KNL1: variants seen among roughly 807,000 people sequenced by gnomAD.
KNL1 encodes the protein outer kinetochore KNL1 complex subunit KNL1.
In KNL1, 66 loss-of-function variants were observed where a neutral mutation model predicts 201.3. The ratio of observed to expected loss-of-function variants is 0.33; its 90% CI spans 0.27 to 0.40. The LOEUF is 0.40. Among genes scored for constraint, KNL1 ranks in the 10% least tolerant of loss-of-function variants. KNL1 has a pLI of 1.00. For missense variants in KNL1, 2,815 were observed against 2,690.5 expected, an observed-to-expected ratio of 1.05 and a Z score of -1.02; for synonymous variants, 895 against 899.2, an observed-to-expected ratio of 1.00 and a Z score of 0.08.
intron 13 of KNL1, among the ~76,000 whole-genome samples, chr15:40,640,494 A>C (rs1893193826): frequency 6.6e-6 from 1 of 152,176 alleles, no homozygotes; most frequent in Non-Finnish European, 1.5e-5. Flanking sequence ...TTATTTTATA[A>C]TTGGAGGATG....
intron 21 of KNL1, among the ~76,000 whole-genome samples, chr15:40,652,772 A>T (rs1893609904): frequency 6.6e-6 from 1 of 151,794 alleles, no homozygotes; most frequent in Non-Finnish European, 1.5e-5. Context: ...AAAAAAAAAA[A>T]AAAAAAGAAT....
intron 3 of KNL1, among the ~76,000 whole-genome samples, chr15:40,605,537 C>T (rs953965014): frequency 5.9e-5 from 9 of 151,486 alleles, no homozygotes; most frequent in African/African-American, 1.9e-4. Context: ...CTGTAACCTC[C>T]GCCTCCTGGG....
At chr15:40,596,426 G>A (rs1352208671) in intron 1 of KNL1, among the ~76,000 whole-genome samples, 3 of 151,958 alleles carry the variant, frequency 2.0e-5, no homozygotes, top group Admixed American at 6.6e-5. Context: ...ATAGGCACCC[G>A]CCACCATGCG....
At chr15:40,602,279 C>G (rs188825905) in intron 1 of KNL1, among the ~76,000 whole-genome samples, 66 of 148,778 alleles carry the variant, frequency 4.4e-4, no homozygotes, top group African/African-American at 1.6e-3. Flanking sequence ...GTGATCTGCC[C>G]GCCTCGGCCT....
intron 2 of KNL1, among the ~76,000 whole-genome samples, chr15:40,604,218 G>C (rs1566999232): frequency 1.5e-5 from 1 of 66,112 alleles, no homozygotes; most frequent in Non-Finnish European, 4.4e-5. Flanking sequence ...TTAAGGATGA[G>C]AAAATTGAGA....
chr15:40,661,654 A>G (rs916380069), intron 25 of KNL1, among the ~76,000 whole-genome samples: 1 of 152,204 alleles, frequency 6.6e-6, no homozygotes, highest in African/African-American at 2.4e-5. Flanking sequence ...ATATCTGGTT[A>G]TTTCCAGAAA....
At chr15:40,626,327 C>CTTTTTTTTTTTT (rs540280443) in intron 10 of KNL1, among the ~76,000 whole-genome samples, 1 of 135,356 alleles carries the variant, frequency 7.4e-6, no homozygotes. Flanking sequence ...TAATTTCTTT[C>CTTTTTTTTTTTT]TTTTTTTTTT....
chr15:40,649,619 A>G (rs1459943307), intron 17 of KNL1, among the ~76,000 whole-genome samples: 8 of 149,492 alleles, frequency 5.4e-5, no homozygotes, highest in East Asian at 2.0e-4. Context: ...AAAAAAAAAA[A>G]AGAGAGGCAG....
At position 40,624,328 on chromosome 15, in the gene KNL1, G is replaced by A. The variant is rs769644280; in HGVS notation, c.4064G>A (p.Gly1355Glu). The change falls in exon 10 of 26, where the codon GGA becomes GAA. Residue 1355 changes from glycine to glutamate, a missense_variant. Physicochemically the swap from Gly to Glu is moderately conservative, Grantham distance 98. This residue lies in a region of KNL1 where 2,464 missense variants were observed against 2,291.7 expected (regional missense o/e 1.08). Coordinates refer to ENST00000399668, the MANE Select transcript of KNL1 (RefSeq NM_144508.5). ...FASEYYLESE[G>E]QPLSAPCPLL... ...AGTGAATATTACTTGGAATCTGAGG[G>A]ACAGCCTCTCTCTGCTCCTTGTCCT... The A allele has an allele frequency of 1.4e-5, 22 of 1,614,018 alleles. No homozygotes were observed. Among genetic ancestry groups the A allele is most frequent in the Non-Finnish European group, 1.4e-5 (16 of 1,179,932 alleles).
At chr15:40,611,547 A>G (rs986654866) in intron 7 of KNL1, 36 bp downstream of exon 7, 15 of 183,986 alleles carry the variant, frequency 8.2e-5, no homozygotes, top group Non-Finnish European at 1.7e-4. Context: ...AAAAGTTATA[A>G]ATTAATATTA....
Position 40,625,223 on chromosome 15 carries a change from T to A in KNL1, c.4959T>A (p.Phe1653Leu). Reference sequence around the variant, plus strand: ...TAAGGAGATGTTCTTTGGGAATCTTTTTGCCTAGATTGCCCAACAAGAGAA... The same window carrying A: ...TAAGGAGATGTTCTTTGGGAATCTTATTGCCTAGATTGCCCAACAAGAGAA... ...DKVRRCSLGI[F>L]LPRLPNKRNC... The change falls in exon 10 of 26, where the codon TTT (phenylalanine) becomes TTA (leucine). Residue 1653 changes from phenylalanine to leucine, a missense_variant. By Grantham distance (22) the Phe-to-Leu change is conservative. Transcript: ENST00000399668. 6.2e-7 allele frequency: 1 copy of A among 1,614,034 alleles called. No individual in the cohort carries two copies. Among genetic ancestry groups the A allele is most frequent in the Non-Finnish European group, 8.5e-7 (1 of 1,179,940 alleles).
intron 1 of KNL1, among the ~76,000 whole-genome samples, chr15:40,600,593 C>T (rs1446338413): frequency 6.6e-6 from 1 of 152,168 alleles, no homozygotes; most frequent in East Asian, 1.9e-4. Context: ...GATCGAAGCA[C>T]ATCAAATATC....
At chr15:40,654,841 C>T (rs1027325788) in intron 21 of KNL1, 68 bp from the exon 22 acceptor site, 2 of 1,203,816 alleles carry the variant, frequency 1.7e-6, no homozygotes, top group African/African-American at 3.0e-5. Context: ...TGCACTCCAG[C>T]CTGGGAGACA....
chr15:40,622,735 T>C lies in KNL1; in HGVS notation c.2471T>C (p.Ile824Thr). 6.2e-7 allele frequency: 1 copy of C among 1,601,248 alleles called. No individual in the cohort carries two copies. Among genetic ancestry groups the C allele is most frequent in the Non-Finnish European group, 8.5e-7 (1 of 1,175,464 alleles). ...EKSGVLKSNC[I>T]MDVLEDESVQ... ...AGTGGAGTGCTTAAATCTAACTGTA[T>C]TATGGATGTGTTAGAGGACGAAAGT... The change falls in exon 10 of 26, where the codon ATT becomes ACT. Residue 824 changes from isoleucine to threonine, a missense_variant. Ile to Thr is a moderately conservative substitution (Grantham distance 89). Around this residue, in one of 3 missense-constraint regions of KNL1, gnomAD observed 2,464 missense variants for 2,291.7 expected, o/e 1.08. Coordinates refer to ENST00000399668, the MANE Select transcript of KNL1 (RefSeq NM_144508.5).
Position 40,657,808 on chromosome 15 carries a change from A to T in KNL1, c.6713+335A>T, listed in dbSNP as rs907868217. Among the ~76,000 whole-genome samples the T allele has an allele frequency of 6.6e-5, 10 of 152,156 alleles. 1 individual carries two copies. The highest frequency in any genetic ancestry group is 2.4e-4 in the African/African-American group (10 of 41,430). On this transcript the variant is annotated intron_variant, in intron 24 of 25. Coordinates refer to ENST00000399668, the MANE Select transcript of KNL1 (RefSeq NM_144508.5). ...CTTACTCTAGTAGGACTTCATCTTA[A>T]CATATTACTTGTGTAGTGACCAGAT...
At chr15:40,617,975 TAAAAAAAAAAAAAAAAAAAAAAAAA>T (rs71104706) in intron 8 of KNL1, among the ~76,000 whole-genome samples, 5 of 47,230 alleles carry the variant, frequency 1.1e-4, no homozygotes, top group Admixed American at 1.0e-3. Context: ...AGGCTTTTAG[TAAAAAAAAAAAAAAAAAAAAAAAAA>T]AAAAAAAAAA....
intron 1 of KNL1, among the ~76,000 whole-genome samples, chr15:40,601,701 G>T (rs1047554846): frequency 1.2e-4 from 18 of 151,002 alleles, no homozygotes; most frequent in African/African-American, 4.4e-4. Flanking sequence ...GGCGCCTGTA[G>T]TCCCAGCTAC....
intron 1 of KNL1, 139 bp from the exon 2 acceptor site, chr15:40,602,776 C>T (rs755556719): frequency 3.4e-5 from 18 of 523,170 alleles, no homozygotes; most frequent in Admixed American, 3.6e-5. Flanking sequence ...TGAGCCACTG[C>T]GCCCGGCCTT....
At chr15:40,607,742 C>T (rs1296525520) in intron 4 of KNL1, among the ~76,000 whole-genome samples, 1 of 151,776 alleles carries the variant, frequency 6.6e-6, no homozygotes, top group Non-Finnish European at 1.5e-5. Context: ...TAAATCAAAA[C>T]CTAAATGAGA....
Sources: gnomAD v4.1 joint callset for allele counts (sites outside exome capture counted in the v4.1 genomes callset) on GRCh38, gnomAD v4.1.1 for gene constraint, gnomAD v4.1.1 regional missense constraint, MANE v1.5 for transcripts, NCBI Gene and HGNC (gene_info 2026-07-23, HGNC 2026-07-21) for gene names.